Variants in TRPV1 observed in about 807,000 individuals in gnomAD.
The protein encoded by TRPV1 is transient receptor potential cation channel subfamily V member 1, also known as OTRPC1.
Under a neutral mutation model 82.3 loss-of-function variants are expected in TRPV1, and 82 were observed. The observed-to-expected ratio is 1.00, with a 90% confidence interval of 0.83 to 1.20. TRPV1 has a LOEUF of 1.20. Among genes scored for constraint, TRPV1 ranks in the 50% most tolerant of loss-of-function variants. TRPV1 has a pLI of 0.00. For synonymous variants in TRPV1, 515 were observed against 467.7 expected (o/e 1.10, Z -1.30); for missense variants, 1,067 against 1,096.8 (o/e 0.97, Z 0.38).
intron 2 of TRPV1, among the ~76,000 whole-genome samples, chr17:3,594,727 G>A (rs765911615): frequency 3.3e-5 from 5 of 152,196 alleles, no homozygotes; most frequent in South Asian, 2.1e-4. Flanking sequence ...CCAGCCCTGC[G>A]CTGGGGGCAC....
chr17:3,604,652 A>G (rs1048904497), intron 2 of TRPV1, among the ~76,000 whole-genome samples: 4 of 151,998 alleles, frequency 2.6e-5, no homozygotes, highest in Admixed American at 6.6e-5. Flanking sequence ...AGAAGAGAAA[A>G]GTAGAGAACA....
chr17:3,589,113 A>T, intron 7 of TRPV1: 1 of 710,604 alleles, frequency 1.4e-6, no homozygotes, highest in East Asian at 2.7e-5. Flanking sequence ...CACCAGCTGG[A>T]GCTGGGAGCT....
intron 1 of TRPV1, chr17:3,609,097 G>C (rs957715584): frequency 6.6e-6 from 1 of 152,180 alleles, no homozygotes; most frequent in Non-Finnish European, 1.5e-5. Flanking sequence ...TGTTGGTCAG[G>C]CTGGTCTTGA....
chr17:3,577,864 C>T (rs2074955628), intron 11 of TRPV1, 101 bp from the exon 12 acceptor site: 2 of 1,143,264 alleles, frequency 1.7e-6, no homozygotes, highest in Admixed American at 4.4e-5. Flanking sequence ...AGACTGCAGG[C>T]CGCAATAGGA....
At chr17:3,585,673 G>A (rs1171385476) in intron 9 of TRPV1, 95 bp downstream of exon 9, 2 of 1,451,506 alleles carry the variant, frequency 1.4e-6, no homozygotes, top group Admixed American at 2.1e-5. Context: ...CCAGGGCAGA[G>A]CCTGGGCCTG....
At chr17:3,590,445 G>A (rs55848027) in intron 5 of TRPV1, 53 bp from the exon 6 acceptor site, 126 of 1,595,156 alleles carry the variant, frequency 7.9e-5, no homozygotes, top group Admixed American at 3.8e-4. Flanking sequence ...TGGGGCTGCC[G>A]GGACAGGTGC....
intron 2 of TRPV1, among the ~76,000 whole-genome samples, chr17:3,596,649 G>A (rs1004120248): frequency 6.6e-6 from 1 of 152,178 alleles, no homozygotes; most frequent in African/African-American, 2.4e-5. Flanking sequence ...ACAAACCCCA[G>A]TAACAACAAC....
rs1217651219 is a variant in TRPV1 at position 3,571,557 on chromosome 17, G to A, written c.2314C>T (p.Arg772Cys). ...GACCGCAGGGAGAAGCTCAGGGTGC[G>A]CTTGACGCCCTCACAGTTGCCCGGG... ...EDPGNCEGVKRTLSFSLRSSR... is the reference protein window; with the variant it reads ...EDPGNCEGVKCTLSFSLRSSR... The change falls in exon 16 of 17, where the codon CGC becomes TGC. Residue 772 changes from arginine to cysteine, a missense_variant. Transcript: ENST00000572705. 18 of 1,610,766 alleles carry A rather than the reference G, an allele frequency of 1.1e-5. No individual in the cohort carries two copies. The highest frequency in any genetic ancestry group is 1.5e-5 in the Non-Finnish European group (18 of 1,178,678).
intron 2 of TRPV1, among the ~76,000 whole-genome samples, chr17:3,597,565 GGGTT>G (rs2075230478): frequency 6.6e-6 from 1 of 152,040 alleles, no homozygotes; most frequent in African/African-American, 2.4e-5. Context: ...CCTGGAGTAG[GGGTT>G]GGCGTCGAGG....
intron 2 of TRPV1, among the ~76,000 whole-genome samples, chr17:3,605,042 C>T (rs1347351668): frequency 3.9e-5 from 6 of 152,208 alleles, no homozygotes; most frequent in African/African-American, 4.8e-5. Flanking sequence ...CTGGACATGA[C>T]GATCACTTTA....
chr17:3,601,155 T>TCCAG (rs1173020323), intron 2 of TRPV1, among the ~76,000 whole-genome samples: 1 of 151,864 alleles, frequency 6.6e-6, no homozygotes, highest in Non-Finnish European at 1.5e-5. Context: ...CTTTGTGACC[T>TCCAG]CCAGCCTCTC....
At chr17:3,589,180 G>A (rs1272989690) in intron 7 of TRPV1, among the ~76,000 whole-genome samples, 2 of 149,282 alleles carry the variant, frequency 1.3e-5, no homozygotes, top group African/African-American at 4.9e-5. Context: ...GCCTGCCATG[G>A]AAAAACACCA....
At chr17:3,598,789 A>G (rs1432055499) in intron 2 of TRPV1, among the ~76,000 whole-genome samples, 1 of 145,312 alleles carries the variant, frequency 6.9e-6, no homozygotes, top group Admixed American at 6.9e-5. Flanking sequence ...CTGGTCTCAA[A>G]CTCCTGACCT....
chr17:3,602,938 A>G (rs1454652339), intron 2 of TRPV1, among the ~76,000 whole-genome samples: 1 of 152,208 alleles, frequency 6.6e-6, no homozygotes, highest in East Asian at 1.9e-4. Flanking sequence ...CCTGGCCAAC[A>G]TGGAGAAACC....
intron 2 of TRPV1, among the ~76,000 whole-genome samples, chr17:3,604,463 T>C (rs1374165868): frequency 6.6e-6 from 1 of 151,804 alleles, no homozygotes; most frequent in African/African-American, 2.4e-5. Context: ...CTGGGTGTGG[T>C]GGCAGGCACC....
intron 16 of TRPV1, among the ~76,000 whole-genome samples, chr17:3,570,770 G>A (rs375050411): frequency 2.6e-5 from 4 of 152,090 alleles, no homozygotes; most frequent in Non-Finnish European, 5.9e-5. Flanking sequence ...CTGGAGTGTA[G>A]TGGTGCGATC....
chr17:3,568,073 A>G (rs983482197), intron 16 of TRPV1, among the ~76,000 whole-genome samples: 3 of 152,236 alleles, frequency 2.0e-5, no homozygotes, highest in African/African-American at 4.8e-5. Context: ...CTGTAATCCC[A>G]GCACTGTGGG....
Position 3,566,623 on chromosome 17 carries a change from G to A in TRPV1, c.*192C>T, listed in dbSNP as rs1436411311. ...AGGAGATTCACTTGGGGACAGTGAC[G>A]GTTGGATGTACATCACTCCCCATGC... On this transcript the variant is annotated 3_prime_UTR_variant, in exon 17 of 17. Coordinates refer to ENST00000572705, the MANE Select transcript of TRPV1 (RefSeq NM_080704.4). 8 of 581,052 alleles carry A rather than the reference G, an allele frequency of 1.4e-5. No individual in the cohort carries two copies. The highest frequency in any genetic ancestry group is 3.2e-5 in the Admixed American group (1 of 30,906). The allele number at this position is 581,052 out of a possible 1,614,324, so 36.0% of individuals were successfully genotyped here.
intron 2 of TRPV1, among the ~76,000 whole-genome samples, chr17:3,606,489 C>T (rs1051568595): frequency 1.1e-4 from 17 of 152,128 alleles, no homozygotes; most frequent in Admixed American, 9.2e-4. Flanking sequence ...CGAAGCGGAT[C>T]GGGGGGAAGG....
Sources: gnomAD v4.1 joint callset for allele counts (sites outside exome capture counted in the v4.1 genomes callset) on GRCh38, gnomAD v4.1.1 for gene constraint, MANE v1.5 for transcripts, NCBI Gene and HGNC (gene_info 2026-07-23, HGNC 2026-07-21) for gene names.